Variants in WDFY3 observed in about 807,000 individuals in gnomAD.
WDFY3 encodes the protein WD repeat and FYVE domain-containing protein 3.
WDFY3 carries 66 observed loss-of-function variants against 409.6 expected under a neutral mutation model. That is an observed-to-expected ratio of 0.16 (90% CI 0.13 to 0.20). WDFY3 has a LOEUF of 0.20. Among genes scored for constraint, WDFY3 ranks in the 10% least tolerant of loss-of-function variants. WDFY3 has a pLI of 1.00. For missense variants in WDFY3, 3,031 were observed against 4,298.1 expected, an observed-to-expected ratio of 0.71 and a Z score of 8.24; for synonymous variants, 1,521 against 1,537.1, an observed-to-expected ratio of 0.99 and a Z score of 0.25.
At chr4:84,853,099 T>C (rs1414796481) in intron 4 of WDFY3, among the ~76,000 whole-genome samples, 2 of 151,784 alleles carry the variant, frequency 1.3e-5, no homozygotes, top group Non-Finnish European at 2.9e-5. Context: ...CTGATAAAAA[T>C]TGAGAAACCT....
chr4:84,833,706 G>GAGAACAGAAC (rs1157470035), intron 7 of WDFY3, among the ~76,000 whole-genome samples: 1 of 151,050 alleles, frequency 6.6e-6, no homozygotes, highest in Non-Finnish European at 1.5e-5. Flanking sequence ...GAGAAGAGAA[G>GAGAACAGAAC]AGAACAGAAC....
chr4:84,815,942 A>G (rs1037478618), intron 13 of WDFY3, among the ~76,000 whole-genome samples: 3 of 152,126 alleles, frequency 2.0e-5, no homozygotes, highest in Non-Finnish European at 4.4e-5. Flanking sequence ...ACTTGAATCA[A>G]TTATTACTAC....
intron 4 of WDFY3, among the ~76,000 whole-genome samples, chr4:84,852,059 C>A (rs936230820): frequency 6.6e-6 from 1 of 152,178 alleles, no homozygotes; most frequent in Non-Finnish European, 1.5e-5. Context: ...TACCTTTTCA[C>A]TTAAAGGAAG....
At chr4:84,723,314 T>C (rs1305236809) in intron 46 of WDFY3, among the ~76,000 whole-genome samples, 1 of 152,248 alleles carries the variant, frequency 6.6e-6, no homozygotes, top group Non-Finnish European at 1.5e-5. Flanking sequence ...CAGGAGAAAC[T>C]GATCACAATC....
chr4:84,770,970 T>G (rs931788538), intron 30 of WDFY3, among the ~76,000 whole-genome samples: 4 of 152,214 alleles, frequency 2.6e-5, no homozygotes, highest in African/African-American at 9.6e-5. Flanking sequence ...AATAAGCTGA[T>G]GAGAGTATCA....
Position 84,755,263 on chromosome 4 carries a change from T to C in WDFY3, c.5559+3A>G. ...ATAGGCCTGGGCATTTGAGTGAACT[T>C]ACTGAAGTCAGCATGCTGCGGAGCA... On this transcript the variant is annotated splice_donor_region_variant and intron_variant, in intron 34 of 67. Coordinates refer to ENST00000295888, the MANE Select transcript of WDFY3 (RefSeq NM_014991.6). The C allele has an allele frequency of 6.2e-7, 1 of 1,611,846 alleles. No individual in the cohort carries two copies. Among genetic ancestry groups the C allele is most frequent in the Non-Finnish European group, 8.5e-7 (1 of 1,179,344 alleles).
At chr4:84,744,543 AG>A (rs1280036225) in intron 36 of WDFY3, among the ~76,000 whole-genome samples, 1 of 152,152 alleles carries the variant, frequency 6.6e-6, no homozygotes, top group East Asian at 1.9e-4. Context: ...CAATACAGCA[AG>A]AACCTTTTAT....
At chr4:84,807,052 T>C (rs1302895961) in intron 15 of WDFY3, among the ~76,000 whole-genome samples, 2 of 152,226 alleles carry the variant, frequency 1.3e-5, no homozygotes, top group African/African-American at 4.8e-5. Flanking sequence ...TATTTTTAAA[T>C]TGTGATTTTT....
intron 34 of WDFY3, among the ~76,000 whole-genome samples, chr4:84,754,644 C>A (rs1309818821): frequency 2.0e-5 from 3 of 152,156 alleles, no homozygotes; most frequent in African/African-American, 7.2e-5. Flanking sequence ...ACAGGAACAT[C>A]AGTTCTGTCT....
At chr4:84,789,298 T>C (rs1312366705) in intron 22 of WDFY3, among the ~76,000 whole-genome samples, 1 of 152,058 alleles carries the variant, frequency 6.6e-6, no homozygotes, top group African/African-American at 2.4e-5. Context: ...GGGACTAATC[T>C]GGGTGATATG....
chr4:84,925,909 A>G (rs148832059), intron 2 of WDFY3, among the ~76,000 whole-genome samples: 1 of 152,054 alleles, frequency 6.6e-6, no homozygotes, highest in African/African-American at 2.4e-5. Context: ...AGGTGTTTGG[A>G]TGTTCACTGT....
At chr4:84,726,788 TA>T (rs71670880) in intron 45 of WDFY3, 72 bp downstream of exon 45, 4,023 of 1,233,292 alleles carry the variant, frequency 3.3e-3, no homozygotes, top group South Asian at 5.3e-3. Flanking sequence ...ACCATGCACT[TA>T]AAAAAAAAAC....
At chr4:84,747,928 A>C (rs946807339) in intron 36 of WDFY3, among the ~76,000 whole-genome samples, 1 of 151,884 alleles carries the variant, frequency 6.6e-6, no homozygotes, top group Non-Finnish European at 1.5e-5. Context: ...AAATTTTTAT[A>C]AATTTTCCTT....
chr4:84,904,333 T>C (rs1469687746), intron 2 of WDFY3, among the ~76,000 whole-genome samples: 5 of 152,022 alleles, frequency 3.3e-5, no homozygotes, highest in Non-Finnish European at 7.4e-5. Flanking sequence ...CTCCACCTCC[T>C]GGGTTCAAGG....
chr4:84,851,376 C>T (rs930094123), intron 4 of WDFY3, among the ~76,000 whole-genome samples: 1 of 152,102 alleles, frequency 6.6e-6, no homozygotes, highest in Non-Finnish European at 1.5e-5. Context: ...ATTTACTCAA[C>T]TTCATATTCT....
intron 36 of WDFY3, among the ~76,000 whole-genome samples, chr4:84,747,004 G>C (rs1449513897): frequency 6.6e-6 from 1 of 152,130 alleles, no homozygotes; most frequent in African/African-American, 2.4e-5. Context: ...GAGCAAATCT[G>C]CAAAGTGTGG....
chr4:84,917,789 G>C (rs1267356931), intron 2 of WDFY3, among the ~76,000 whole-genome samples: 1 of 151,794 alleles, frequency 6.6e-6, no homozygotes. Flanking sequence ...GAGACAACTG[G>C]GAGAAAATAC....
intron 48 of WDFY3, among the ~76,000 whole-genome samples, chr4:84,717,298 C>T (rs1407254864): frequency 6.6e-6 from 1 of 151,960 alleles, no homozygotes; most frequent in African/African-American, 2.4e-5. Context: ...TATTTTGGGG[C>T]CCAAGAAAAT....
At chr4:84,954,349 T>C (rs186767325) in intron 1 of WDFY3, among the ~76,000 whole-genome samples, 2 of 152,312 alleles carry the variant, frequency 1.3e-5, no homozygotes, top group East Asian at 3.9e-4. Context: ...AGAGTTTATT[T>C]TTATTTCATA....
Sources: gnomAD v4.1 joint callset for allele counts (sites outside exome capture counted in the v4.1 genomes callset) on GRCh38, gnomAD v4.1.1 for gene constraint, MANE v1.5 for transcripts, NCBI Gene and HGNC (gene_info 2026-07-23, HGNC 2026-07-21) for gene names.